Variants in GRIK1 observed in about 807,000 individuals in gnomAD.
The protein encoded by GRIK1 is glutamate ionotropic receptor kainate type subunit 1, also known as glutamate receptor ionotropic, kainate 1.
Under a neutral mutation model 105.7 loss-of-function variants are expected in GRIK1, and 69 were observed. The observed-to-expected ratio is 0.65, with a 90% CI of 0.54 to 0.80. The LOEUF (loss-of-function observed/expected upper bound fraction) is 0.80. Among genes scored for constraint, GRIK1 ranks in the 30% least tolerant of loss-of-function variants. The pLI is 0.00. For synonymous variants in GRIK1, 438 were observed against 431.3 expected (o/e 1.02, Z -0.19); for missense variants, 1,109 against 1,167.3 (o/e 0.95, Z 0.73).
chr21:29,806,331 C>T (rs966911986), intron 1 of GRIK1, among the ~76,000 whole-genome samples: 5 of 151,940 alleles, frequency 3.3e-5, no homozygotes, highest in South Asian at 4.2e-4. Flanking sequence ...CAATAACAAA[C>T]CAATTATCCA....
intron 1 of GRIK1, among the ~76,000 whole-genome samples, chr21:29,911,291 A>G (rs115934482): frequency 0.013 from 2,042 of 152,202 alleles, 35 homozygotes; most frequent in African/African-American, 0.047. Flanking sequence ...ATATAGGGAC[A>G]AAATGTTTAT....
chr21:29,938,583 C>A (rs999168644), intron 1 of GRIK1, among the ~76,000 whole-genome samples: 1 of 152,182 alleles, frequency 6.6e-6, no homozygotes, highest in Admixed American at 6.5e-5. Flanking sequence ...CATCTTTGGG[C>A]TGCCCACATT....
chr21:29,704,538 G>C (rs917191208), intron 1 of GRIK1, among the ~76,000 whole-genome samples: 1 of 152,180 alleles, frequency 6.6e-6, no homozygotes, highest in African/African-American at 2.4e-5. Flanking sequence ...TAAATGCAAT[G>C]ATTTGGTCAT....
chr21:29,743,451 T>C (rs1048435405), intron 1 of GRIK1, among the ~76,000 whole-genome samples: 3 of 152,250 alleles, frequency 2.0e-5, no homozygotes, highest in Admixed American at 6.5e-5. Context: ...ATCCCAGCAC[T>C]TTGGGAGGCC....
At chr21:29,676,696 G>T (rs1330532046) in intron 3 of GRIK1, among the ~76,000 whole-genome samples, 1 of 152,046 alleles carries the variant, frequency 6.6e-6, no homozygotes, top group African/African-American at 2.4e-5. Context: ...CACTGAGATG[G>T]AGAGAATTTA....
At chr21:29,600,835 T>C (rs1332554069) in intron 7 of GRIK1, among the ~76,000 whole-genome samples, 1 of 152,262 alleles carries the variant, frequency 6.6e-6, no homozygotes, top group African/African-American at 2.4e-5. Flanking sequence ...GTTTAGCCTT[T>C]ACTTGGCTGT....
intron 1 of GRIK1, among the ~76,000 whole-genome samples, chr21:29,754,534 C>A (rs548715195): frequency 5.3e-5 from 8 of 152,298 alleles, no homozygotes; most frequent in African/African-American, 1.7e-4. Context: ...GAGTAATCCT[C>A]GCCCTGGGAT....
At chr21:29,606,665 AAAAACAAAAC>A (rs72368755) in intron 7 of GRIK1, among the ~76,000 whole-genome samples, 26 of 149,986 alleles carry the variant, frequency 1.7e-4, no homozygotes, top group South Asian at 4.2e-4. Context: ...ATCTTTTTTT[AAAAACAAAAC>A]AAAACAAAAC....
intron 1 of GRIK1, among the ~76,000 whole-genome samples, chr21:29,889,492 C>T (rs2069812014): frequency 1.3e-5 from 2 of 151,792 alleles, no homozygotes; most frequent in South Asian, 4.1e-4. Context: ...TTTTTTCCTT[C>T]TCCTTCTTTT....
chr21:29,816,474 ATGTCACCTGCAC>A (rs779843628), intron 1 of GRIK1, among the ~76,000 whole-genome samples: 55 of 152,188 alleles, frequency 3.6e-4, no homozygotes, highest in African/African-American at 1.1e-3. Flanking sequence ...GGAAATCAGC[ATGTCACCTGCAC>A]TTCCTAGTTT....
intron 1 of GRIK1, among the ~76,000 whole-genome samples, chr21:29,725,152 C>T (rs562045331): frequency 2.0e-5 from 3 of 152,242 alleles, no homozygotes; most frequent in Non-Finnish European, 2.9e-5. Flanking sequence ...CAAGCGATTG[C>T]GAACAAGGTC....
intron 1 of GRIK1, among the ~76,000 whole-genome samples, chr21:29,866,263 T>A (rs2146111424): frequency 6.6e-6 from 1 of 152,124 alleles, no homozygotes; most frequent in East Asian, 1.9e-4. Context: ...CTTTTGTAAT[T>A]TTTTGTAGAG....
chr21:29,783,187 C>A (rs1280900789), intron 1 of GRIK1, among the ~76,000 whole-genome samples: 2 of 151,752 alleles, frequency 1.3e-5, no homozygotes, highest in Non-Finnish European at 2.9e-5. Context: ...ATTTATTGAC[C>A]TTCTTCCTGT....
At chr21:29,895,598 A>G (rs1180394894) in intron 1 of GRIK1, among the ~76,000 whole-genome samples, 1 of 152,152 alleles carries the variant, frequency 6.6e-6, no homozygotes, top group African/African-American at 2.4e-5. Flanking sequence ...CCTCCAAGAA[A>G]TCTTGCCACA....
intron 1 of GRIK1, among the ~76,000 whole-genome samples, chr21:29,728,397 A>T (rs186683920): frequency 2.2e-4 from 34 of 152,246 alleles, no homozygotes; most frequent in Middle Eastern, 3.4e-3. Context: ...GTGAAGGGGG[A>T]TAGGGCCTAG....
intron 1 of GRIK1, among the ~76,000 whole-genome samples, chr21:29,928,221 G>A (rs73188514): frequency 1.8e-4 from 28 of 152,298 alleles, no homozygotes; most frequent in Non-Finnish European, 2.8e-4. Context: ...TTGCAAAGCC[G>A]AAAACTGAAA....
intron 4 of GRIK1, among the ~76,000 whole-genome samples, chr21:29,666,474 T>G (rs951427534): frequency 2.0e-5 from 3 of 152,188 alleles, no homozygotes; most frequent in African/African-American, 7.2e-5. Flanking sequence ...TAGGCCAATT[T>G]GCAAGCACTG....
intron 16 of GRIK1, chr21:29,553,546 TTA>T: frequency 1.3e-6 from 2 of 1,535,928 alleles, no homozygotes; most frequent in Admixed American, 2.2e-5. Context: ...TTTTTTTTTT[TTA>T]AACTGATTAC....
At chr21:29,691,479 G>T (rs902513014) in intron 2 of GRIK1, among the ~76,000 whole-genome samples, 6 of 152,150 alleles carry the variant, frequency 3.9e-5, no homozygotes, top group African/African-American at 1.4e-4. Flanking sequence ...TAATTAAGGG[G>T]TATAGATAGT....
Sources: gnomAD v4.1 joint callset for allele counts (sites outside exome capture counted in the v4.1 genomes callset) on GRCh38, gnomAD v4.1.1 for gene constraint, MANE v1.5 for transcripts, NCBI Gene and HGNC (gene_info 2026-07-23, HGNC 2026-07-21) for gene names.